PTPN9: variants seen among roughly 807,000 people sequenced by gnomAD.
The protein encoded by PTPN9 is protein tyrosine phosphatase non-receptor type 9, also known as tyrosine-protein phosphatase non-receptor type 9.
A neutral mutation model predicts 69.8 loss-of-function variants in PTPN9; 26 were observed. That is an observed-to-expected ratio of 0.37 (90% confidence interval 0.27 to 0.52). The LOEUF (loss-of-function observed/expected upper bound fraction) is 0.52. Ranked by LOEUF, PTPN9 falls within the 20% of genes least tolerant of loss-of-function variation. The pLI is 0.91. For missense variants in PTPN9, 549 were observed against 740.3 expected, an observed-to-expected ratio of 0.74 and a Z score of 3.00; for synonymous variants, 274 against 272.5, an observed-to-expected ratio of 1.01 and a Z score of -0.05.
intron 5 of PTPN9, among the ~76,000 whole-genome samples, chr15:75,514,643 G>T (rs1463442729): frequency 6.6e-6 from 1 of 152,100 alleles, no homozygotes; most frequent in Non-Finnish European, 1.5e-5. Context: ...TATAAATTAA[G>T]AGACAGTTTA....
At chr15:75,528,337 A>G (rs564983530) in intron 1 of PTPN9, among the ~76,000 whole-genome samples, 6 of 152,078 alleles carry the variant, frequency 3.9e-5, no homozygotes, top group Non-Finnish European at 8.8e-5. Context: ...CTTTTTAGAC[A>G]AACTACTTTT....
intron 5 of PTPN9, among the ~76,000 whole-genome samples, chr15:75,516,303 CT>C (rs750940118): frequency 2.3e-3 from 309 of 132,548 alleles, no homozygotes; most frequent in African/African-American, 2.9e-3. Context: ...TATGTTTCTT[CT>C]TTTTTTTTTT....
intron 2 of PTPN9, among the ~76,000 whole-genome samples, chr15:75,524,650 C>G (rs1226533854): frequency 6.6e-6 from 1 of 151,712 alleles, no homozygotes; most frequent in East Asian, 1.9e-4. Flanking sequence ...TGGTGGTGCG[C>G]GCCCATAATC....
Position 75,470,697 on chromosome 15 carries a change from C to T in PTPN9, c.1342G>A (p.Glu448Lys). 1 of 1,614,102 alleles carries T rather than the reference C, an allele frequency of 6.2e-7. No homozygotes were observed. The highest frequency in any genetic ancestry group is 8.5e-7 in the Non-Finnish European group (1 of 1,179,980). ...GGATTTACCTCTGTGTTGTGAATTT[C>T]TAGCGTTGTTTTCTTATAATGATTC... ...NMNHYKKTTL[E>K]IHNTEERQKR... Residue 448 changes from glutamate to lysine, a missense_variant, in exon 11 of 13, where the codon GAA (glutamate) becomes AAA (lysine). Physicochemically the swap from Glu to Lys is moderately conservative, Grantham distance 56. Around this residue, in one of 3 missense-constraint regions of PTPN9, gnomAD observed 457 missense variants for 661.9 expected, o/e 0.69. Coordinates refer to ENST00000618819, the MANE Select transcript of PTPN9 (RefSeq NM_002833.4).
At chr15:75,508,023 C>G (rs1429015853) in intron 6 of PTPN9, among the ~76,000 whole-genome samples, 4 of 116,300 alleles carry the variant, frequency 3.4e-5, no homozygotes, top group African/African-American at 1.4e-4. Flanking sequence ...GCCTAGGCAA[C>G]AGAGTGAGAC....
intron 9 of PTPN9, among the ~76,000 whole-genome samples, chr15:75,476,616 G>A (rs2141289484): frequency 6.6e-6 from 1 of 152,228 alleles, no homozygotes; most frequent in African/African-American, 2.4e-5. Context: ...TGCCCGGCCT[G>A]GTTAAATATT....
rs555004368 is a variant in PTPN9 at position 75,488,055 on chromosome 15, C to T, written c.1062+2153G>A. On this transcript the variant is annotated intron_variant, in intron 8 of 12. Transcript: ENST00000618819. ...CAGCACTTTGGGAGGCTGAGGCAGG[C>T]GGATCACCCCAGGTCAGGAGTTCAA... Among the ~76,000 whole-genome samples, 14 of 150,886 alleles carry T rather than the reference C, an allele frequency of 9.3e-5. 1 individual carries two copies. The South Asian group carries it at 2.3e-3, about 25-fold the overall frequency.
chr15:75,575,432 A>G (rs1035036110), intron 1 of PTPN9, among the ~76,000 whole-genome samples: 3 of 152,174 alleles, frequency 2.0e-5, no homozygotes, highest in Non-Finnish European at 4.4e-5. Flanking sequence ...TCTCAAAAGT[A>G]CAAGGATTTT....
chr15:75,475,349 C>A (rs1161114940), intron 9 of PTPN9, among the ~76,000 whole-genome samples: 2 of 152,098 alleles, frequency 1.3e-5, no homozygotes, highest in Non-Finnish European at 2.9e-5. Flanking sequence ...GAGGCCGAGG[C>A]AGGTGGATCA....
chr15:75,503,303 T>A (rs2074785164), intron 7 of PTPN9, among the ~76,000 whole-genome samples: 1 of 138,666 alleles, frequency 7.2e-6, no homozygotes, highest in Non-Finnish European at 1.5e-5. Context: ...GTCTGGGATG[T>A]GAGGAGCTCC....
chr15:75,566,905 G>A (rs770238855), intron 1 of PTPN9, among the ~76,000 whole-genome samples: 1 of 152,106 alleles, frequency 6.6e-6, no homozygotes, highest in Non-Finnish European at 1.5e-5. Flanking sequence ...TGGGAGCATC[G>A]CTTGAGCCTG....
intron 7 of PTPN9, among the ~76,000 whole-genome samples, chr15:75,496,138 C>CAA (rs55642191): frequency 4.6e-5 from 5 of 108,078 alleles, no homozygotes; most frequent in Admixed American, 9.8e-5. Context: ...GAGCCTGTCT[C>CAA]AAAAAAAAAA....
At chr15:75,564,333 G>A (rs1403298560) in intron 1 of PTPN9, among the ~76,000 whole-genome samples, 1 of 152,108 alleles carries the variant, frequency 6.6e-6, no homozygotes, top group Non-Finnish European at 1.5e-5. Flanking sequence ...GGTGGCTCAC[G>A]CCTGTAATCC....
At chr15:75,554,441 G>A (rs541935878) in intron 1 of PTPN9, among the ~76,000 whole-genome samples, 6 of 151,874 alleles carry the variant, frequency 4.0e-5, no homozygotes, top group South Asian at 4.2e-4. Context: ...TGATCCGCCC[G>A]CCTCAGCCTT....
intron 3 of PTPN9, among the ~76,000 whole-genome samples, chr15:75,523,447 T>C (rs529193627): frequency 1.3e-5 from 2 of 152,298 alleles, no homozygotes; most frequent in South Asian, 4.1e-4. Context: ...CTGGACCATA[T>C]TTCTGTGGTA....
intron 5 of PTPN9, chr15:75,512,646 G>A (rs1330782373): frequency 6.5e-6 from 1 of 153,530 alleles, no homozygotes; most frequent in Non-Finnish European, 1.5e-5. Flanking sequence ...CCTTCCAAAA[G>A]GTGTTAACGA....
chr15:75,476,272 A>T (rs12594963), intron 9 of PTPN9, among the ~76,000 whole-genome samples: 1 of 152,208 alleles, frequency 6.6e-6, no homozygotes, highest in African/African-American at 2.4e-5. Flanking sequence ...ATTAAATGAA[A>T]CAAGAGATAG....
At chr15:75,523,386 C>G in intron 3 of PTPN9, 141 bp from the exon 4 acceptor site, 1 of 942,696 alleles carries the variant, frequency 1.1e-6, no homozygotes, top group Non-Finnish European at 1.6e-6. Flanking sequence ...CAATTGCTGT[C>G]CAAAGGGAAG....
Position 75,497,539 on chromosome 15 carries a change from G to T in PTPN9, c.969-7238C>A, listed in dbSNP as rs188579380. On this transcript the variant is annotated intron_variant, in intron 7 of 12. Coordinates refer to ENST00000618819, the MANE Select transcript of PTPN9 (RefSeq NM_002833.4). The stretch of plus-strand genomic sequence containing the variant: ...AAAAAGGCCAGGTGTGGGGGCTCAT[G>T]CCTGTAATTCCAGCACTTTAGGAGG... 3.6e-3 allele frequency among the ~76,000 whole-genome samples: 541 copies of T among 152,236 alleles called. 2 individuals are homozygous for T. The highest frequency in any genetic ancestry group is 0.013 in the African/African-American group (521 of 41,552).
Sources: allele counts gnomAD v4.1 joint callset (sites outside exome capture counted in the v4.1 genomes callset), GRCh38; gene constraint gnomAD v4.1.1; regional missense constraint gnomAD v4.1.1; transcripts MANE v1.5; gene names NCBI Gene and HGNC (gene_info 2026-07-23, HGNC 2026-07-21).